RFESD: variants seen among roughly 807,000 people sequenced by gnomAD.
RFESD encodes the protein Rieske Fe-S domain containing, also known as Rieske domain-containing protein.
In RFESD, 16 loss-of-function variants were observed where a neutral mutation model predicts 24.4. That is an observed-to-expected ratio of 0.66 (90% CI 0.44 to 1.00). RFESD has a LOEUF of 1.00. Among genes scored for constraint, RFESD ranks in the 50% least tolerant of loss-of-function variants. RFESD has a pLI of 0.00. For synonymous variants in RFESD, 59 were observed against 81.8 expected, an observed-to-expected ratio of 0.72 and a Z score of 1.50; for missense variants, 208 against 247.0, an observed-to-expected ratio of 0.84 and a Z score of 1.06.
intron 2 of RFESD, 113 bp from the exon 3 acceptor site, chr5:95,653,004 C>G: frequency 6.9e-7 from 1 of 1,442,722 alleles, no homozygotes; most frequent in Non-Finnish European, 9.3e-7. Context: ...CACAGCACTG[C>G]ACAACCTGGC....
Position 95,654,020 on chromosome 5 carries a change from G to T in RFESD, c.159-41G>T, listed in dbSNP as rs190511649. 752 of 1,567,760 alleles carry T rather than the reference G, an allele frequency of 4.8e-4. 1 individual carries two copies. Among genetic ancestry groups the T allele is most frequent in the Non-Finnish European group, 6.0e-4 (690 of 1,151,966 alleles). On this transcript the variant is annotated intron_variant, in intron 3 of 5. Transcript: ENST00000380005. The stretch of plus-strand genomic sequence containing the variant: ...TCTCCATTAAGCTGGAACCAAATTA[G>T]TGAATACTTCTTGTAACTTTCCTTC...
intron 1 of RFESD, among the ~76,000 whole-genome samples, chr5:95,651,250 T>G (rs1312388965): frequency 1.3e-5 from 2 of 152,220 alleles, no homozygotes; most frequent in East Asian, 3.8e-4. Context: ...GCTACAGTAT[T>G]ACTATATTTG....
chr5:95,654,203 G>A lies in RFESD; in HGVS notation c.301G>A (p.Gly101Arg). 1 of 1,613,020 alleles carries A rather than the reference G, an allele frequency of 6.2e-7. No individual in the cohort carries two copies. The highest frequency in any genetic ancestry group is 1.3e-5 in the African/African-American group (1 of 74,968). Residue 101 changes from glycine to arginine, a missense_variant, in exon 4 of 6, where the codon GGA becomes AGA. Coordinates refer to ENST00000380005, the MANE Select transcript of RFESD (RefSeq NM_001131066.2). ...DREVVIFYHKGEYHAMDIRCY... is the reference protein window; with the variant it reads ...DREVVIFYHKREYHAMDIRCY... ...AGAAGTGGTCATTTTCTACCACAAGGGAGAATATCATGCTATGGATATTCG... is the reference window on the plus strand; with the variant it reads ...AGAAGTGGTCATTTTCTACCACAAGAGAGAATATCATGCTATGGATATTCG...
At chr5:95,652,931 A>C (rs1215756013) in intron 2 of RFESD, 186 bp from the exon 3 acceptor site, 2 of 733,790 alleles carry the variant, frequency 2.7e-6, no homozygotes, top group Non-Finnish European at 4.1e-6. Flanking sequence ...AAAGAAATCA[A>C]TTCACACTTT....
rs1275116458 is a variant in RFESD at position 95,653,107 on chromosome 5, C to T, written c.61-10C>T. The T allele has an allele frequency of 5.2e-6, 8 of 1,550,922 alleles. No individual in the cohort carries two copies. The highest frequency in any genetic ancestry group is 3.9e-5 in the Admixed American group (2 of 50,914). Reference sequence around the variant, plus strand: ...TTTCCTTCAGGCTTTTGTATTTGCTCTTCTTTCAGTATGGAATTCTCTTCC... The same window carrying T: ...TTTCCTTCAGGCTTTTGTATTTGCTTTTCTTTCAGTATGGAATTCTCTTCC... On this transcript the variant is annotated splice_polypyrimidine_tract_variant and intron_variant, in intron 2 of 5. Transcript: ENST00000380005.
At chr5:95,649,050 G>T (rs1329625405) in intron 1 of RFESD, among the ~76,000 whole-genome samples, 2 of 151,744 alleles carry the variant, frequency 1.3e-5, no homozygotes, top group African/African-American at 4.8e-5. Context: ...GGGCAATTTT[G>T]TTCCATTTTT....
intron 1 of RFESD, among the ~76,000 whole-genome samples, chr5:95,650,916 G>A (rs895174076): frequency 6.6e-6 from 1 of 152,046 alleles, no homozygotes; most frequent in African/African-American, 2.4e-5. Context: ...GGCTAACATG[G>A]TGAAACCCCA....
intron 3 of RFESD, among the ~76,000 whole-genome samples, chr5:95,653,584 A>G (rs911565239): frequency 1.3e-5 from 2 of 152,202 alleles, no homozygotes; most frequent in Admixed American, 6.5e-5. Context: ...ACGCAAAGTA[A>G]TGACTACCTA....
In RFESD at chr5:95,650,818, G is replaced by A. The variant is rs1239493148; in HGVS notation, c.-135-1319G>A. 2.0e-5 allele frequency among the ~76,000 whole-genome samples: 3 copies of A among 152,182 alleles called. No individual in the cohort carries two copies. In the East Asian group the frequency reaches 5.8e-4, roughly 29 times the overall value. On this transcript the variant is annotated intron_variant, in intron 1 of 5. Coordinates refer to ENST00000380005, the MANE Select transcript of RFESD (RefSeq NM_001131066.2). The stretch of plus-strand genomic sequence containing the variant: ...GCCTTCTTTAAAGAAGTTGGATAGG[G>A]CCGGGCATGGTGGCTCACGCCTGTA...
intron 1 of RFESD, among the ~76,000 whole-genome samples, chr5:95,648,992 A>G (rs534099580): frequency 6.6e-6 from 1 of 151,054 alleles, no homozygotes; most frequent in Non-Finnish European, 1.5e-5. Context: ...AAATTCTCAA[A>G]TAGTTAATTC....
chr5:95,651,273 A>G (rs1474982152), intron 1 of RFESD, among the ~76,000 whole-genome samples: 1 of 152,210 alleles, frequency 6.6e-6, no homozygotes, highest in East Asian at 1.9e-4. Context: ...GAAGGTGTGG[A>G]TGATGAAATA....
rs1750675063 is a variant in RFESD, at chr5:95,655,259, A to G, written c.370-787A>G. 2 of 152,228 alleles carry G rather than the reference A, an allele frequency of 1.3e-5. 1 individual carries two copies. Among genetic ancestry groups the G allele is most frequent in the Admixed American group, 1.3e-4 (2 of 15,282 alleles). 9.4% of individuals were successfully genotyped at this position (152,228 alleles called of 1,614,324 possible). Reference sequence around the variant, plus strand: ...TATGAAAATGTGAATCTTTGCTGACAGTTTTATGAAAGTACAAATCAGTAT... The same window carrying G: ...TATGAAAATGTGAATCTTTGCTGACGGTTTTATGAAAGTACAAATCAGTAT... On this transcript the variant is annotated intron_variant, in intron 5 of 5. Transcript: ENST00000380005.
In RFESD at chr5:95,652,267, T is replaced by A; in HGVS notation, c.-5T>A. On this transcript the variant is annotated 5_prime_UTR_variant, in exon 2 of 6. Coordinates refer to ENST00000380005, the MANE Select transcript of RFESD (RefSeq NM_001131066.2). The stretch of plus-strand genomic sequence containing the variant: ...TCTACAACCTCTCTTCCACCTGACC[T>A]CTAAATGTTGAAGTGTTTCAGGAAT... The A allele has an allele frequency of 6.5e-7, 1 of 1,550,016 alleles. No homozygotes were observed.
intron 1 of RFESD, among the ~76,000 whole-genome samples, chr5:95,648,477 G>T (rs1319883393): frequency 6.6e-6 from 1 of 152,056 alleles, no homozygotes; most frequent in African/African-American, 2.4e-5. Flanking sequence ...GTGAACACGT[G>T]GGCTTTCCCT....
intron 1 of RFESD, among the ~76,000 whole-genome samples, chr5:95,650,160 C>CTTT (rs1328899637): frequency 1.3e-5 from 2 of 152,148 alleles, no homozygotes; most frequent in African/African-American, 4.8e-5. Flanking sequence ...AAATAATAAA[C>CTTT]TTTTGCTTTT....
chr5:95,649,992 T>C (rs1750241011), intron 1 of RFESD, among the ~76,000 whole-genome samples: 1 of 152,208 alleles, frequency 6.6e-6, no homozygotes, highest in Non-Finnish European at 1.5e-5. Context: ...CATGCCCAAC[T>C]CTGAAGGCAA....
rs1036732091 is a variant in RFESD, at chr5:95,657,363, C to A, written c.*1054C>A. 6.6e-6 allele frequency: 1 copy of A among 151,788 alleles called. No homozygotes were observed. The highest frequency in any genetic ancestry group is 1.5e-5 in the Non-Finnish European group (1 of 67,918). The allele number at this position is 151,788 out of a possible 1,614,324, so 9.4% of individuals were successfully genotyped here. ...TTAAAATAACACCCCAAGCACCCACCATGCAAAAATCAGCAGCACATAGTG... is the reference window on the plus strand; with the variant it reads ...TTAAAATAACACCCCAAGCACCCACAATGCAAAAATCAGCAGCACATAGTG... On this transcript the variant is annotated 3_prime_UTR_variant, in exon 6 of 6. Transcript: ENST00000380005.
rs1422332340 is a variant in RFESD at position 95,654,103 on chromosome 5, A to ATATT, written c.202_205dup (p.Ser69LeufsTer11). On this transcript the variant is annotated frameshift_variant, in exon 4 of 6. Transcript: ENST00000380005. LOFTEE classifies it high-confidence loss of function. ...CTGCACAAGATCCTGAAAAGAGGGA[A>ATATT]TATTCTTCTGTGTGTGTGGGCAGAG... 1.9e-6 allele frequency: 3 copies of ATATT among 1,611,866 alleles called. 1 individual carries two copies.
In RFESD at chr5:95,657,891, C is replaced by T. The variant is rs1232332605; in HGVS notation, c.*1582C>T. The T allele has an allele frequency of 6.6e-6, 1 of 152,034 alleles. No individual in the cohort carries two copies. Among genetic ancestry groups the T allele is most frequent in the Non-Finnish European group, 1.5e-5 (1 of 68,022 alleles). The allele number at this position is 152,034 out of a possible 1,614,324, so 9.4% of individuals were successfully genotyped here. ...GCCCAGTCAGGTCTTAACACATGTC[C>T]AGAATATAAAGTGTACAGAAGAAAT... is the stretch of plus-strand genomic sequence containing the variant. On this transcript the variant is annotated 3_prime_UTR_variant, in exon 6 of 6. Coordinates refer to ENST00000380005, the MANE Select transcript of RFESD (RefSeq NM_001131066.2).
Sources: gnomAD v4.1 joint callset for allele counts (sites outside exome capture counted in the v4.1 genomes callset) on GRCh38, gnomAD v4.1.1 for gene constraint, MANE v1.5 for transcripts, NCBI Gene and HGNC (gene_info 2026-07-23, HGNC 2026-07-21) for gene names.